The following ROCK2 variants were observed in gnomAD, a reference collection of about 807,000 sequenced individuals.
ROCK2 encodes Rho associated coiled-coil containing protein kinase 2.
ROCK2 carries 61 observed loss-of-function variants against 195.1 expected under a neutral mutation model. The ratio of observed to expected loss-of-function variants is 0.31; its 90% CI spans 0.25 to 0.39. The LOEUF is 0.39. ROCK2 is among the 10% of genes least tolerant of loss of function. ROCK2 has a pLI of 1.00. For missense variants in ROCK2, 1,109 were observed against 1,637.4 expected (o/e 0.68, Z 5.57); for synonymous variants, 504 against 545.5 (o/e 0.92, Z 1.06).
chr2:11,193,841 G>A lies in ROCK2; in HGVS notation c.3625C>T (p.Arg1209Ter), dbSNP rs764405852. ...TACACATCTGTCTGTGTAACTGGTC[G>A]GACATGAAATAACTTGCTATAAAAA... Reference protein sequence around the residue: ...VLDIDKLFHVRPVTQTDVYRA... With the variant: ...VLDIDKLFHV Residue 1209 changes from arginine (R) to a stop codon, truncating the protein, a stop_gained, in exon 30 of 33, where the codon CGA becomes TGA. Transcript: ENST00000315872. LOFTEE classifies it high-confidence loss of function. 2 of 1,594,044 alleles carry A rather than the reference G, an allele frequency of 1.3e-6. No homozygotes were observed. The highest frequency in any genetic ancestry group is 3.4e-5 in the Admixed American group (2 of 58,366).
intron 1 of ROCK2, among the ~76,000 whole-genome samples, chr2:11,328,279 A>C (rs1668607810): frequency 6.6e-6 from 1 of 152,206 alleles, no homozygotes; most frequent in Admixed American, 6.5e-5. Flanking sequence ...AGTGAAGCTA[A>C]TATGTGCCAA....
At position 11,282,136 on chromosome 2, in the gene ROCK2, A is replaced by G. The variant is rs1041425718; in HGVS notation, c.324+4403T>C. On this transcript the variant is annotated intron_variant, in intron 3 of 32. Transcript: ENST00000315872. ...AAAGCCAAGGCAGGTAGATCGCTTG[A>G]GCCCAGGAATTTGAGACCAGCCTGG... Among the ~76,000 whole-genome samples the G allele has an allele frequency of 3.5e-4, 54 of 152,150 alleles. 2 individuals carry two copies. The highest frequency in any genetic ancestry group is 7.4e-5 in the Non-Finnish European group (5 of 68,024).
intron 28 of ROCK2, 49 bp downstream of exon 28, chr2:11,194,906 T>G (rs1443869384): frequency 5.3e-6 from 6 of 1,140,498 alleles, no homozygotes; most frequent in Non-Finnish European, 7.6e-6. Context: ...ATGACTAGAG[T>G]TAAAACAAAA....
intron 1 of ROCK2, among the ~76,000 whole-genome samples, chr2:11,333,181 T>C (rs542217179): frequency 6.6e-6 from 1 of 152,146 alleles, no homozygotes; most frequent in East Asian, 1.9e-4. Context: ...CAGTTGAAAA[T>C]AAAAAGAACT....
chr2:11,317,613 T>TATATATATATATATA lies in ROCK2; in HGVS notation c.141+26382_141+26383insTATATATATATATAT, dbSNP rs1553317465. 8.5e-3 allele frequency among the ~76,000 whole-genome samples: 172 copies of TATATATATATATATA among 20,216 alleles called. 2 individuals are homozygous for TATATATATATATATA. Among genetic ancestry groups the TATATATATATATATA allele is most frequent in the Middle Eastern group, 0.028 (1 of 36 alleles). 13.3% of individuals were successfully genotyped at this position (20,216 alleles called of 152,430 possible). On this transcript the variant is annotated intron_variant, in intron 1 of 32. Transcript: ENST00000315872. ...ATATATATATATATATATATATATA[T>TATATATATATATATA]TTTTTTTTTTTTTTAATTATACTTT... is the stretch of plus-strand genomic sequence containing the variant.
chr2:11,303,288 T>C (rs1368612838), intron 1 of ROCK2, among the ~76,000 whole-genome samples: 1 of 152,224 alleles, frequency 6.6e-6, no homozygotes, highest in East Asian at 1.9e-4. Context: ...ACAGCTTATC[T>C]CACATCTATT....
At chr2:11,315,478 A>C (rs889480796) in intron 1 of ROCK2, among the ~76,000 whole-genome samples, 9 of 151,542 alleles carry the variant, frequency 5.9e-5, no homozygotes, top group Non-Finnish European at 1.2e-4. Flanking sequence ...GTAAAAAAAA[A>C]CAGTAAATTA....
chr2:11,254,572 T>C (rs1665952482), intron 3 of ROCK2, among the ~76,000 whole-genome samples: 1 of 151,770 alleles, frequency 6.6e-6, no homozygotes, highest in African/African-American at 2.4e-5. Flanking sequence ...TTAAGTGGCA[T>C]TGGAAGAACA....
chr2:11,229,475 G>A (rs984822645), intron 5 of ROCK2, among the ~76,000 whole-genome samples: 5 of 151,774 alleles, frequency 3.3e-5, no homozygotes, highest in Admixed American at 6.6e-5. Context: ...ATGGGAACAG[G>A]GTATGGGAAT....
intron 9 of ROCK2, among the ~76,000 whole-genome samples, chr2:11,219,492 C>T (rs960955823): frequency 5.9e-5 from 9 of 152,084 alleles, no homozygotes; most frequent in East Asian, 1.9e-4. Flanking sequence ...GCCTGGGCGA[C>T]GAAGTGAGAC....
At chr2:11,280,462 G>GAA (rs767122690) in intron 3 of ROCK2, among the ~76,000 whole-genome samples, 925 of 92,478 alleles carry the variant, frequency 0.01, 14 homozygotes, top group African/African-American at 0.034. Flanking sequence ...CATCTCTACA[G>GAA]AAAAAAAAAA....
At chr2:11,278,997 G>A (rs191314191) in intron 3 of ROCK2, among the ~76,000 whole-genome samples, 51 of 150,240 alleles carry the variant, frequency 3.4e-4, no homozygotes, top group African/African-American at 9.8e-4. Flanking sequence ...GAAAAAAGTA[G>A]ACAAACACTA....
chr2:11,332,199 G>A (rs1315629117), intron 1 of ROCK2, among the ~76,000 whole-genome samples: 2 of 151,690 alleles, frequency 1.3e-5, no homozygotes, highest in African/African-American at 4.8e-5. Context: ...AGATCAGCAA[G>A]ACTCATTCAT....
chr2:11,343,333 A>C (rs1017488850), intron 1 of ROCK2, among the ~76,000 whole-genome samples: 1 of 152,198 alleles, frequency 6.6e-6, no homozygotes, highest in African/African-American at 2.4e-5. Flanking sequence ...TGGATTTCAA[A>C]GGTCGTTATA....
chr2:11,227,526 G>T, intron 5 of ROCK2, 128 bp from the exon 6 acceptor site: 2 of 763,240 alleles, frequency 2.6e-6, no homozygotes, highest in South Asian at 2.4e-5. Flanking sequence ...CTTCACTGCT[G>T]ACATGACTTC....
At chr2:11,327,275 T>G (rs1253310951) in intron 1 of ROCK2, among the ~76,000 whole-genome samples, 1 of 152,208 alleles carries the variant, frequency 6.6e-6, no homozygotes, top group Non-Finnish European at 1.5e-5. Context: ...GTCAAGGAAC[T>G]ACAGATCTCA....
chr2:11,201,938 ACTAT>A lies in ROCK2; in HGVS notation c.2619+110_2619+113del. ...AGCAATGATAATAAATTTCTCTTAA[ACTAT>A]CTACATTCTTTTGCCCAGCTGCTCT... On this transcript the variant is annotated intron_variant, in intron 21 of 32. Coordinates refer to ENST00000315872, the MANE Select transcript of ROCK2 (RefSeq NM_004850.5). This position sits in a 1 kb window ranked among gnomAD's most constrained non-coding sequence, Gnocchi z 4.6. 1 of 751,490 alleles carries A rather than the reference ACTAT, an allele frequency of 1.3e-6. No individual in the cohort carries two copies. Among genetic ancestry groups the A allele is most frequent in the Non-Finnish European group, 2.3e-6 (1 of 431,976 alleles). The allele number at this position is 751,490 out of a possible 1,614,324, so 46.6% of individuals were successfully genotyped here.
At chr2:11,343,289 G>C (rs1286857101) in intron 1 of ROCK2, among the ~76,000 whole-genome samples, 6 of 152,132 alleles carry the variant, frequency 3.9e-5, no homozygotes, top group Non-Finnish European at 7.3e-5. Flanking sequence ...TCTTAACCAA[G>C]AGCCAATTAG....
chr2:11,237,207 T>G (rs1390142020), intron 4 of ROCK2, among the ~76,000 whole-genome samples: 2 of 152,140 alleles, frequency 1.3e-5, no homozygotes, highest in African/African-American at 4.8e-5. Flanking sequence ...GTAACAGATG[T>G]CACATCAATT....
Sources: allele counts gnomAD v4.1 joint callset (sites outside exome capture counted in the v4.1 genomes callset), GRCh38; gene constraint gnomAD v4.1.1; non-coding constraint Gnocchi (gnomAD v3.1); transcripts MANE v1.5; gene names NCBI Gene and HGNC (gene_info 2026-07-23, HGNC 2026-07-21).